Variants in FBXL17 observed in about 807,000 individuals in gnomAD.
FBXL17 encodes F-box and leucine rich repeat protein 17, also known as F-box/LRR-repeat protein 17.
In FBXL17, 22 loss-of-function variants were observed where a neutral mutation model predicts 66.2. The ratio of observed to expected loss-of-function variants is 0.33; its 90% CI spans 0.24 to 0.47. The LOEUF is 0.47. Ranked by LOEUF, FBXL17 falls within the 20% of genes least tolerant of loss-of-function variation. FBXL17 has a pLI of 1.00. For synonymous variants in FBXL17, 474 were observed against 400.5 expected (o/e 1.18, Z -2.19); for missense variants, 878 against 948.2 (o/e 0.93, Z 0.97).
chr5:108,216,210 A>T (rs1754593337), intron 5 of FBXL17, among the ~76,000 whole-genome samples: 1 of 152,050 alleles, frequency 6.6e-6, no homozygotes, highest in Admixed American at 6.6e-5. Context: ...TTTCAATATC[A>T]GATTTTCCAT....
rs544784130 is a variant in FBXL17 at position 108,202,390 on chromosome 5, C to T, written c.1615-16143G>A. On this transcript the variant is annotated intron_variant, in intron 5 of 8. Coordinates refer to ENST00000542267, the MANE Select transcript of FBXL17 (RefSeq NM_001163315.3). ...ACCCTCACTGATCAGGTATTACTGA[C>T]TAAACAGCATGAAAAAATAAAAGTG... Among the ~76,000 whole-genome samples, 18 of 152,156 alleles carry T rather than the reference C, an allele frequency of 1.2e-4. 1 individual carries two copies. In the South Asian group the frequency reaches 3.3e-3, roughly 28 times the overall value.
intron 7 of FBXL17, among the ~76,000 whole-genome samples, chr5:107,925,733 T>C (rs992670212): frequency 2.0e-5 from 3 of 152,210 alleles, no homozygotes; most frequent in Non-Finnish European, 4.4e-5. Flanking sequence ...CTAATGGCTA[T>C]TATTTTTCTG....
rs1748580866 is a variant in FBXL17 at position 108,365,125 on chromosome 5, G to A, written c.1117-130C>T. The stretch of plus-strand genomic sequence containing the variant: ...TAGCATGAACGATATAATCAAAAGA[G>A]AAACCGTCTTAACATTGAAGCATAA... On this transcript the variant is annotated intron_variant, in intron 2 of 8. Coordinates refer to ENST00000542267, the MANE Select transcript of FBXL17 (RefSeq NM_001163315.3). The A allele has an allele frequency of 4.8e-6, 3 of 628,952 alleles. No homozygotes were observed. The South Asian group carries it at 7.2e-5, about 15-fold the overall frequency. The allele number at this position is 628,952 out of a possible 1,614,324, so 39.0% of individuals were successfully genotyped here. A position where few individuals can be genotyped will look rare whatever the true frequency, so the allele number is the denominator to read the frequency against.
chr5:108,171,157 A>G (rs1355918431), intron 6 of FBXL17, among the ~76,000 whole-genome samples: 1 of 152,208 alleles, frequency 6.6e-6, no homozygotes. Context: ...ATTAAATAGC[A>G]GTACTGGAAA....
intron 6 of FBXL17, among the ~76,000 whole-genome samples, chr5:108,184,922 C>T (rs147084042): frequency 3.7e-3 from 555 of 152,004 alleles, no homozygotes; most frequent in African/African-American, 0.013. Flanking sequence ...TCTTTTAAAA[C>T]AAAATTCTTG....
At chr5:108,321,612 T>C (rs930960087) in intron 4 of FBXL17, among the ~76,000 whole-genome samples, 1 of 151,870 alleles carries the variant, frequency 6.6e-6, no homozygotes, top group Non-Finnish European at 1.5e-5. Flanking sequence ...CTATTACCTG[T>C]GGATATTCCA....
intron 7 of FBXL17, among the ~76,000 whole-genome samples, chr5:107,977,675 C>T (rs1752634175): frequency 1.3e-5 from 2 of 152,170 alleles, no homozygotes; most frequent in African/African-American, 4.8e-5. Context: ...CAGGCAAACA[C>T]GATGAACACA....
At chr5:108,060,201 A>G (rs1747868532) in intron 6 of FBXL17, among the ~76,000 whole-genome samples, 1 of 151,808 alleles carries the variant, frequency 6.6e-6, no homozygotes, top group Non-Finnish European at 1.5e-5. Flanking sequence ...TAGATATATC[A>G]CCACTAAAAA....
chr5:108,147,523 TA>T (rs1336294974), intron 6 of FBXL17, among the ~76,000 whole-genome samples: 1 of 151,710 alleles, frequency 6.6e-6, no homozygotes, highest in Non-Finnish European at 1.5e-5. Context: ...CTGTCTGAAA[TA>T]AAAAAATAAA....
At chr5:107,895,553 A>G (rs1749349817) in intron 7 of FBXL17, among the ~76,000 whole-genome samples, 1 of 152,064 alleles carries the variant, frequency 6.6e-6, no homozygotes, top group Non-Finnish European at 1.5e-5. Context: ...TAGATTCAAA[A>G]CCCTTTAGAC....
intron 6 of FBXL17, 74 bp from the exon 7 acceptor site, chr5:108,021,075 A>G (rs1754580924): frequency 2.8e-6 from 3 of 1,073,544 alleles, no homozygotes; most frequent in Non-Finnish European, 4.3e-6. Context: ...TAATAGGAAG[A>G]GGTCAGTATT....
chr5:107,873,796 G>A (rs895746848), intron 8 of FBXL17, among the ~76,000 whole-genome samples: 13 of 152,170 alleles, frequency 8.5e-5, no homozygotes, highest in Non-Finnish European at 1.6e-4. Context: ...GCTCCAAGGA[G>A]ATTATTTACT....
At chr5:108,348,777 A>G (rs1442419545) in intron 3 of FBXL17, among the ~76,000 whole-genome samples, 1 of 152,152 alleles carries the variant, frequency 6.6e-6, no homozygotes, top group Non-Finnish European at 1.5e-5. Flanking sequence ...TATATTCCTT[A>G]ACAGTTCAAA....
intron 6 of FBXL17, among the ~76,000 whole-genome samples, chr5:108,056,289 C>T (rs1044839015): frequency 2.6e-5 from 4 of 152,156 alleles, no homozygotes; most frequent in African/African-American, 9.7e-5. Flanking sequence ...TGGTCAGAGA[C>T]TTGCCTCTCA....
chr5:108,378,500 C>T (rs915738954), intron 1 of FBXL17, among the ~76,000 whole-genome samples: 3 of 99,662 alleles, frequency 3.0e-5, no homozygotes, highest in African/African-American at 1.5e-4. Flanking sequence ...TGCCTCTCTA[C>T]GCAACCCTTC....
intron 7 of FBXL17, among the ~76,000 whole-genome samples, chr5:107,906,102 C>T (rs1480674861): frequency 1.3e-5 from 2 of 149,984 alleles, no homozygotes; most frequent in Non-Finnish European, 3.0e-5. Context: ...TGGTTAAATT[C>T]CCTGGATCCA....
chr5:108,217,651 A>G (rs1392531779), intron 5 of FBXL17, among the ~76,000 whole-genome samples: 1 of 150,450 alleles, frequency 6.6e-6, no homozygotes, highest in African/African-American at 2.4e-5. Context: ...AATATGTACT[A>G]TATGTACTAT....
rs752698839 is a variant in FBXL17 at position 108,232,792 on chromosome 5, T to TTATATATATATATATATATATATATTA, written c.1507-8565_1507-8564insTAATATATATATATATATATATATATA. On this transcript the variant is annotated intron_variant, in intron 4 of 8. Coordinates refer to ENST00000542267, the MANE Select transcript of FBXL17 (RefSeq NM_001163315.3). Reference sequence around the variant, plus strand: ...CTGAATAAGCTCTCACATATATATATATATATATATATAATATATACTATT... The same window carrying TTATATATATATATATATATATATATTA: ...CTGAATAAGCTCTCACATATATATATTATATATATATATATATATATATATTAATATATATATATAATATATACTATT... 5.6e-3 allele frequency among the ~76,000 whole-genome samples: 614 copies of TTATATATATATATATATATATATATTA among 109,510 alleles called. 31 individuals carry two copies. Among genetic ancestry groups the TTATATATATATATATATATATATATTA allele is most frequent in the Non-Finnish European group, 0.011 (521 of 49,350 alleles). 71.8% of individuals were successfully genotyped at this position (109,510 alleles called of 152,430 possible). A position where few individuals can be genotyped will look rare whatever the true frequency, so the allele number is the denominator to read the frequency against.
intron 4 of FBXL17, among the ~76,000 whole-genome samples, chr5:108,254,875 T>C (rs1173216148): frequency 6.6e-6 from 1 of 152,224 alleles, no homozygotes; most frequent in East Asian, 1.9e-4. Context: ...TGTCTTAAAC[T>C]GCCTATCTAC....
Sources: gnomAD v4.1 joint callset for allele counts (sites outside exome capture counted in the v4.1 genomes callset) on GRCh38, gnomAD v4.1.1 for gene constraint, MANE v1.5 for transcripts, NCBI Gene and HGNC (gene_info 2026-07-23, HGNC 2026-07-21) for gene names.